Variants in SPEF2 observed in about 807,000 individuals in gnomAD.
SPEF2 encodes the protein sperm flagella and cilia-associated protein 2.
SPEF2 carries 187 observed loss-of-function variants against 224.6 expected under a neutral mutation model. That is an observed-to-expected ratio of 0.83 (90% CI 0.74 to 0.94). The LOEUF is 0.94. SPEF2 is among the 40% of genes least tolerant of loss of function. SPEF2 has a pLI of 0.00. For synonymous variants in SPEF2, 715 were observed against 707.3 expected, an observed-to-expected ratio of 1.01 and a Z score of -0.17; for missense variants, 2,170 against 2,135.6, an observed-to-expected ratio of 1.02 and a Z score of -0.32.
At chr5:35,646,188 A>T (rs1747344285) in intron 4 of SPEF2, among the ~76,000 whole-genome samples, 1 of 152,084 alleles carries the variant, frequency 6.6e-6, no homozygotes, top group African/African-American at 2.4e-5. Flanking sequence ...CCCTGAACTC[A>T]TTGTTTAAGT....
At chr5:35,807,550 G>T in intron 36 of SPEF2, 1 of 1,240,918 alleles carries the variant, frequency 8.1e-7, no homozygotes, top group Non-Finnish European at 1.1e-6. Flanking sequence ...AGGGTTTGGA[G>T]AATAAGATTC....
At chr5:35,716,607 T>C (rs976211863) in intron 20 of SPEF2, among the ~76,000 whole-genome samples, 1 of 152,152 alleles carries the variant, frequency 6.6e-6, no homozygotes, top group African/African-American at 2.4e-5. Flanking sequence ...TCCAAATATT[T>C]TTTGCTTTTA....
chr5:35,697,881 G>C, intron 15 of SPEF2, 88 bp downstream of exon 15: 1 of 905,418 alleles, frequency 1.1e-6, no homozygotes, highest in Non-Finnish European at 1.7e-6. Flanking sequence ...ATTTTTTGTT[G>C]TAATATCTCA....
At chr5:35,621,415 G>T (rs532629112) in intron 1 of SPEF2, among the ~76,000 whole-genome samples, 1 of 152,248 alleles carries the variant, frequency 6.6e-6, no homozygotes, top group South Asian at 2.1e-4. Context: ...TTTGTTCAAG[G>T]TCTTACAGCT....
chr5:35,670,465 G>A, intron 10 of SPEF2: 1 of 1,152,976 alleles, frequency 8.7e-7, no homozygotes, highest in Non-Finnish European at 1.1e-6. Context: ...ATCAAGCATA[G>A]TAATTGTCTG....
chr5:35,668,358 A>C (rs1750806236), intron 9 of SPEF2, among the ~76,000 whole-genome samples: 1 of 152,184 alleles, frequency 6.6e-6, no homozygotes, highest in African/African-American at 2.4e-5. Flanking sequence ...CACAATCTGG[A>C]TGAATCTCCA....
intron 26 of SPEF2, 94 bp downstream of exon 26, chr5:35,763,796 T>C: frequency 8.6e-7 from 1 of 1,156,776 alleles, no homozygotes; most frequent in Non-Finnish European, 1.2e-6. Flanking sequence ...GACACAATGC[T>C]CTCAAGCACT....
chr5:35,763,277 T>G (rs1751594351), intron 25 of SPEF2, among the ~76,000 whole-genome samples: 1 of 152,174 alleles, frequency 6.6e-6, no homozygotes, highest in Non-Finnish European at 1.5e-5. Context: ...TACTGAGAAT[T>G]AAGTCTGAAA....
chr5:35,725,593 A>G (rs1367767283), intron 20 of SPEF2, among the ~76,000 whole-genome samples: 2 of 152,070 alleles, frequency 1.3e-5, no homozygotes, highest in Non-Finnish European at 2.9e-5. Flanking sequence ...CTTATCTTAG[A>G]ATTAACTGTT....
intron 25 of SPEF2, 123 bp downstream of exon 25, chr5:35,759,842 T>G: frequency 5.1e-6 from 5 of 986,142 alleles, no homozygotes; most frequent in Non-Finnish European, 7.0e-6. Context: ...AAAAAAGCTC[T>G]AATAACCAAA....
chr5:35,684,735 A>G (rs1753337476), intron 10 of SPEF2, among the ~76,000 whole-genome samples: 1 of 152,232 alleles, frequency 6.6e-6, no homozygotes, highest in South Asian at 2.1e-4. Flanking sequence ...AGCAAGTAGC[A>G]GAAGCCTTAT....
chr5:35,768,963 G>A (rs1193718534), intron 26 of SPEF2, among the ~76,000 whole-genome samples: 1 of 152,066 alleles, frequency 6.6e-6, no homozygotes. Flanking sequence ...TCTAATTAGT[G>A]GGTATGCAGT....
intron 2 of SPEF2, among the ~76,000 whole-genome samples, chr5:35,629,093 A>T (rs56972594): frequency 6.8e-6 from 1 of 146,676 alleles, no homozygotes; most frequent in African/African-American, 2.5e-5. Flanking sequence ...GCAAGACCTC[A>T]TCTCTAAATG....
intron 23 of SPEF2, among the ~76,000 whole-genome samples, chr5:35,744,644 A>G: frequency 6.6e-6 from 1 of 152,076 alleles, no homozygotes; most frequent in East Asian, 1.9e-4. Context: ...CCTTTCTTTA[A>G]AAAATATATA....
intron 20 of SPEF2, 55 bp downstream of exon 20, chr5:35,712,941 C>A: frequency 6.7e-7 from 1 of 1,492,608 alleles, no homozygotes; most frequent in Non-Finnish European, 9.2e-7. Context: ...TTATAACTAT[C>A]TCAGTGAAAA....
chr5:35,695,881 G>T, intron 14 of SPEF2, 85 bp downstream of exon 14: 7 of 972,778 alleles, frequency 7.2e-6, no homozygotes, highest in South Asian at 1.7e-5. Context: ...CGAATGCAAT[G>T]AAATTGCAAT....
At chr5:35,670,407 C>A in intron 10 of SPEF2, 180 bp downstream of exon 10, 1 of 1,304,570 alleles carries the variant, frequency 7.7e-7, no homozygotes, top group Non-Finnish European at 9.7e-7. Flanking sequence ...TATACATAAG[C>A]TATTATCTAT....
rs1409452019 is a variant in SPEF2, at chr5:35,694,924, G to A, written c.1975+561G>A. 2.6e-5 allele frequency among the ~76,000 whole-genome samples: 4 copies of A among 152,266 alleles called. No homozygotes were observed. In the East Asian group the frequency reaches 5.8e-4, roughly 22 times the overall value. On this transcript the variant is annotated intron_variant, in intron 13 of 36. Transcript: ENST00000356031. ...TCAGATCCTTTGTAGAACCATTGAA[G>A]GAAAACAATTTTAAGTATTAAATAT...
intron 3 of SPEF2, among the ~76,000 whole-genome samples, chr5:35,643,352 G>C (rs1746871090): frequency 6.6e-6 from 1 of 152,160 alleles, no homozygotes; most frequent in South Asian, 2.1e-4. Flanking sequence ...TGTTTCATTA[G>C]AGTGATATGG....
Sources: gnomAD v4.1 joint callset for allele counts (sites outside exome capture counted in the v4.1 genomes callset) on GRCh38, gnomAD v4.1.1 for gene constraint, MANE v1.5 for transcripts, NCBI Gene and HGNC (gene_info 2026-07-23, HGNC 2026-07-21) for gene names.